The following MISP variants were observed in gnomAD, a reference collection of about 807,000 sequenced individuals.
The protein encoded by MISP is mitotic interactor and substrate of PLK1.
In MISP, 51 loss-of-function variants were observed where a neutral mutation model predicts 49.3. The ratio of observed to expected loss-of-function variants is 1.03; its 90% CI spans 0.83 to 1.31. The LOEUF is 1.31. Among genes scored for constraint, MISP ranks in the 50% most tolerant of loss-of-function variants. The pLI is 0.00. For synonymous variants in MISP, 444 were observed against 392.6 expected (o/e 1.13, Z -1.55); for missense variants, 1,084 against 935.1 (o/e 1.16, Z -2.08).
At position 757,256 on chromosome 19, in the gene MISP, C is replaced by A; in HGVS notation, c.310C>A (p.Gln104Lys). The A allele has an allele frequency of 6.2e-7, 1 of 1,613,934 alleles. No homozygotes were observed. Among genetic ancestry groups the A allele is most frequent in the Non-Finnish European group, 8.5e-7 (1 of 1,179,970 alleles). Residue 104 changes from glutamine to lysine, a missense_variant, in exon 2 of 5, where the codon CAG (glutamine) becomes AAG (lysine). By Grantham distance (53) the Gln-to-Lys change is moderately conservative (BLOSUM62 1). Transcript: ENST00000215582. ...CCGCCTGGGCGCCAGGGATGCCCAC[C>A]AGGGACGTCCAACATGGGCACTCCG... is the stretch of plus-strand genomic sequence containing the variant. ...VYRLGARDAHQGRPTWALRPE... is the reference protein window; with the variant it reads ...VYRLGARDAHKGRPTWALRPE...
At chr19:761,034 G>A (rs2033663954) in intron 3 of MISP, among the ~76,000 whole-genome samples, 3 of 148,712 alleles carry the variant, frequency 2.0e-5, no homozygotes, top group African/African-American at 7.5e-5. Context: ...TATTCCTCAC[G>A]TCACTTTTAA....
chr19:751,167 G>C lies in MISP; in HGVS notation c.-62G>C, dbSNP rs946461763. On this transcript the variant is annotated 5_prime_UTR_variant, in exon 1 of 5. Transcript: ENST00000215582. ...GCTGCAGACTGTGGAGCCGGGAGCC[G>C]GCAGGTGAGGCTGGGGGCGCCCCGG... 6.6e-6 allele frequency: 1 copy of C among 151,350 alleles called. No individual in the cohort carries two copies. The highest frequency in any genetic ancestry group is 2.1e-4 in the South Asian group (1 of 4,832). The allele number at this position is 151,350 out of a possible 1,614,324, so 9.4% of individuals were successfully genotyped here. A position where few individuals can be genotyped will look rare whatever the true frequency, so the allele number is the denominator to read the frequency against.
chr19:756,954 G>C lies in MISP; in HGVS notation c.8G>C (p.Arg3Pro). The change falls in exon 2 of 5, where the codon CGC becomes CCC. Residue 3 changes from arginine to proline, a missense_variant. Transcript: ENST00000215582. ...GCCAAGACCCCGGAAGAGATGGACC[G>C]CGTGACCAGATACCCCATCCTGGGC... MD[R>P]VTRYPILGIP... 6.4e-7 allele frequency: 1 copy of C among 1,559,452 alleles called. No individual in the cohort carries two copies. The highest frequency in any genetic ancestry group is 8.7e-7 in the Non-Finnish European group (1 of 1,148,262).
rs1228604152 is a variant in MISP, at chr19:763,724, T to A, written c.*134T>A. The stretch of plus-strand genomic sequence containing the variant: ...AGAACCACAGCTCATCTGCCAACAA[T>A]CCCACCATGGGCACATTTGGGACTG... On this transcript the variant is annotated 3_prime_UTR_variant, in exon 5 of 5. Transcript: ENST00000215582. 8 of 647,382 alleles carry A rather than the reference T, an allele frequency of 1.2e-5. No homozygotes were observed. The highest frequency in any genetic ancestry group is 2.2e-5 in the Non-Finnish European group (8 of 363,234). 40.1% of individuals were successfully genotyped at this position (647,382 alleles called of 1,614,324 possible). A position where few individuals can be genotyped will look rare whatever the true frequency, so the allele number is the denominator to read the frequency against.
rs774662261 is a variant in MISP at position 758,755 on chromosome 19, T to C, written c.1780+29T>C. On this transcript the variant is annotated intron_variant, in intron 2 of 4. Transcript: ENST00000215582. ...AGAAGGGGCTCCAGGGAGTGGCTGC[T>C]TGGCTCAGGGTCTCAGAGGTTGGAG... 4 of 1,586,502 alleles carry C rather than the reference T, an allele frequency of 2.5e-6. No individual in the cohort carries two copies. In the South Asian group the frequency reaches 3.4e-5, roughly 14 times the overall value.
chr19:761,577 C>T, intron 3 of MISP, 48 bp from the exon 4 acceptor site: 3 of 1,612,150 alleles, frequency 1.9e-6, no homozygotes, highest in Non-Finnish European at 2.5e-6. Flanking sequence ...GGACTCTGCA[C>T]CGGGCAGGGC....
chr19:750,097 A>G (rs1171763831), upstream of MISP, among the ~76,000 whole-genome samples: 1 of 149,282 alleles, frequency 6.7e-6, no homozygotes, highest in African/African-American at 2.5e-5. Flanking sequence ...CTGCACCTTG[A>G]CTAAGAATCC....
At position 753,410 on chromosome 19, in the gene MISP, G is replaced by A. The variant is rs552945971; in HGVS notation, c.-58+2239G>A. Among the ~76,000 whole-genome samples the A allele has an allele frequency of 7.0e-5, 10 of 143,824 alleles. No individual in the cohort carries two copies. In the East Asian group the frequency reaches 7.9e-4, roughly 11 times the overall value. The allele number at this position is 143,824 out of a possible 152,430, so 94.4% of individuals were successfully genotyped here. On this transcript the variant is annotated intron_variant, in intron 1 of 4. Coordinates refer to ENST00000215582, the MANE Select transcript of MISP (RefSeq NM_173481.4). ...TTTTCTTTTTTTTTTTTTTTGAGGC[G>A]GAGTCTAGCTCTGTCACCAGGCTGG...
rs768143310 is a variant in MISP at position 757,818 on chromosome 19, C to T, written c.872C>T (p.Thr291Met). 25 of 1,610,888 alleles carry T rather than the reference C, an allele frequency of 1.6e-5. No individual in the cohort carries two copies. Among genetic ancestry groups the T allele is most frequent in the African/African-American group, 2.7e-5 (2 of 74,784 alleles). The change falls in exon 2 of 5, where the codon ACG becomes ATG. Residue 291 changes from threonine to methionine, a missense_variant. Thr to Met is a moderately conservative substitution (Grantham distance 81). Transcript: ENST00000215582. ...SVESPGTPKE[T>M]PIEREIRLAQ... ...GAGTCCCCGGGGACCCCCAAGGAGA[C>T]GCCCATCGAGCGGGAGATCCGTCTG... is the stretch of plus-strand genomic sequence containing the variant.
At chr19:753,396 T>C (rs1160497019) in intron 1 of MISP, among the ~76,000 whole-genome samples, 4 of 149,866 alleles carry the variant, frequency 2.7e-5, no homozygotes, top group African/African-American at 9.8e-5. Context: ...TTTCTTTTTT[T>C]TTTTTTTTGA....
chr19:753,373 TTTTTTTTC>T lies in MISP; in HGVS notation c.-58+2218_-58+2225del, dbSNP rs1438195415. The stretch of plus-strand genomic sequence containing the variant: ...GTTCAGAGAGGGGCTAAGTTTTTCT[TTTTTTTTC>T]TTTTTTTCTTTTTTTTTTTTTTTGA... On this transcript the variant is annotated intron_variant, in intron 1 of 4. Transcript: ENST00000215582. Among the ~76,000 whole-genome samples the T allele has an allele frequency of 1.5e-3, 235 of 151,714 alleles. 1 individual carries two copies. Among genetic ancestry groups the T allele is most frequent in the African/African-American group, 5.4e-3 (223 of 41,342 alleles).
At chr19:758,920 A>G (rs1048992080) in intron 2 of MISP, among the ~76,000 whole-genome samples, 194 bp downstream of exon 2, 3 of 152,194 alleles carry the variant, frequency 2.0e-5, no homozygotes, top group Non-Finnish European at 4.4e-5. Flanking sequence ...AGAAATGTCA[A>G]CTTTACCTTA....
intron 1 of MISP, among the ~76,000 whole-genome samples, chr19:754,481 G>T (rs1176009405): frequency 1.3e-5 from 2 of 152,090 alleles, no homozygotes; most frequent in Admixed American, 1.3e-4. Context: ...GAAAAAATTA[G>T]CCGGGTGTGG....
intron 1 of MISP, among the ~76,000 whole-genome samples, chr19:752,979 T>C (rs2033483016): frequency 6.6e-6 from 1 of 152,106 alleles, no homozygotes; most frequent in Admixed American, 6.5e-5. Flanking sequence ...AGCCAGTATT[T>C]ATTAGGCGCC....
At chr19:755,000 G>C (rs2033525885) in intron 1 of MISP, among the ~76,000 whole-genome samples, 1 of 149,824 alleles carries the variant, frequency 6.7e-6, no homozygotes, top group African/African-American at 2.5e-5. Context: ...AAGAGGGCCT[G>C]GTTTGGGGTG....
chr19:757,695 A>C lies in MISP; in HGVS notation c.749A>C (p.Gln250Pro). Residue 250 changes from glutamine (Q) to proline (P), a missense_variant, in exon 2 of 5, where the codon CAG becomes CCG. Gln to Pro is a moderately conservative substitution (Grantham distance 76). Coordinates refer to ENST00000215582, the MANE Select transcript of MISP (RefSeq NM_173481.4). ...ANGHVVPIKP[Q>P]VKGVVREENK... The stretch of plus-strand genomic sequence containing the variant: ...GGGCACGTGGTTCCCATCAAGCCCC[A>C]GGTGAAGGGGGTGGTCAGGGAAGAG... 1 of 1,613,842 alleles carries C rather than the reference A, an allele frequency of 6.2e-7. No individual in the cohort carries two copies. Among genetic ancestry groups the C allele is most frequent in the Non-Finnish European group, 8.5e-7 (1 of 1,179,966 alleles).
At chr19:762,372 C>T (rs2033687445) in intron 4 of MISP, among the ~76,000 whole-genome samples, 1 of 152,048 alleles carries the variant, frequency 6.6e-6, no homozygotes, top group Admixed American at 6.6e-5. Flanking sequence ...CCTGCCTCAG[C>T]CTCCCAAGTT....
At chr19:762,637 CCTCCT>C in intron 4 of MISP, among the ~76,000 whole-genome samples, 1 of 151,768 alleles carries the variant, frequency 6.6e-6, no homozygotes, top group Non-Finnish European at 1.5e-5. Flanking sequence ...CGTGTGTGGC[CCTCCT>C]TTTTATTTTT....
rs561657231 is a variant in MISP at position 757,785 on chromosome 19, C to T, written c.839C>T (p.Ala280Val). ...VQVVDDPGSL[A>V]SVESPGTPKE... ...GTTGTGGATGACCCTGGCTCCTTGGCCTCAGTGGAGTCCCCGGGGACCCCC... is the reference window on the plus strand; with the variant it reads ...GTTGTGGATGACCCTGGCTCCTTGGTCTCAGTGGAGTCCCCGGGGACCCCC... The change falls in exon 2 of 5, where the codon GCC becomes GTC. Residue 280 changes from alanine to valine, a missense_variant. By Grantham distance (64) the Ala-to-Val change is moderately conservative. Coordinates refer to ENST00000215582, the MANE Select transcript of MISP (RefSeq NM_173481.4). 2.9e-5 allele frequency: 47 copies of T among 1,612,722 alleles called. No individual in the cohort carries two copies. Among genetic ancestry groups the T allele is most frequent in the Non-Finnish European group, 3.6e-5 (43 of 1,179,224 alleles).
Sources: gnomAD v4.1 joint callset for allele counts (sites outside exome capture counted in the v4.1 genomes callset) on GRCh38, gnomAD v4.1.1 for gene constraint, MANE v1.5 for transcripts, NCBI Gene and HGNC (gene_info 2026-07-23, HGNC 2026-07-21) for gene names.